The following PLXDC2 variants were observed in gnomAD, a reference collection of about 807,000 sequenced individuals.
PLXDC2 encodes plexin domain containing 2.
In PLXDC2, 40 loss-of-function variants were observed where a neutral mutation model predicts 68.9. That is an observed-to-expected ratio of 0.58 (90% CI 0.45 to 0.76). The LOEUF (loss-of-function observed/expected upper bound fraction) is 0.76. Among genes scored for constraint, PLXDC2 ranks in the 30% least tolerant of loss-of-function variants. The pLI is 0.00. For missense variants in PLXDC2, 644 were observed against 661.9 expected (o/e 0.97, Z 0.30); for synonymous variants, 243 against 234.2 (o/e 1.04, Z -0.34).
intron 12 of PLXDC2, among the ~76,000 whole-genome samples, chr10:20,234,663 C>CTTTTTTTTTTTTTTTTTTTTTCTT (rs58791520): frequency 8.0e-6 from 1 of 125,422 alleles, no homozygotes; most frequent in African/African-American, 3.0e-5. Context: ...GGGTTTCTTT[C>CTTTTTTTTTTTTTTTTTTTTTCTT]TTTTTTTTTT....
chr10:20,210,488 A>G (rs1835054681), intron 9 of PLXDC2, among the ~76,000 whole-genome samples: 1 of 152,186 alleles, frequency 6.6e-6, no homozygotes, highest in South Asian at 2.1e-4. Flanking sequence ...AAGAGTACGT[A>G]GGGAAGACAG....
intron 1 of PLXDC2, among the ~76,000 whole-genome samples, chr10:19,961,523 G>T (rs1589557729): frequency 6.6e-6 from 1 of 152,234 alleles, no homozygotes; most frequent in Non-Finnish European, 1.5e-5. Flanking sequence ...GGAGGGTTCA[G>T]CAGGAATCGT....
intron 3 of PLXDC2, among the ~76,000 whole-genome samples, chr10:20,053,448 G>A (rs897332968): frequency 6.6e-6 from 1 of 152,072 alleles, no homozygotes; most frequent in Non-Finnish European, 1.5e-5. Context: ...ACAGTTATCT[G>A]GGTATTTTGT....
chr10:20,183,440 CCT>C (rs985963765), intron 9 of PLXDC2, among the ~76,000 whole-genome samples: 3 of 151,772 alleles, frequency 2.0e-5, no homozygotes, highest in African/African-American at 7.3e-5. Context: ...ACATAGAAAA[CCT>C]CTGAAAAGAT....
intron 7 of PLXDC2, 33 bp from the exon 8 acceptor site, chr10:20,176,966 T>C (rs910294287): frequency 2.0e-6 from 3 of 1,478,024 alleles, no homozygotes; most frequent in Middle Eastern, 3.5e-4. Context: ...CGAGGAAAGG[T>C]TAAAAATTGA....
chr10:20,004,761 C>G (rs1428710534), intron 2 of PLXDC2, among the ~76,000 whole-genome samples: 1 of 152,128 alleles, frequency 6.6e-6, no homozygotes, highest in Non-Finnish European at 1.5e-5. Context: ...TATATTAACA[C>G]TCCTGAAAAT....
chr10:20,149,229 C>CTTTTTTTTTTTTTTTTTTTTTTTTT lies in PLXDC2; in HGVS notation c.783+1329_783+1353dup, dbSNP rs71200986. 2.3e-4 allele frequency among the ~76,000 whole-genome samples: 8 copies of CTTTTTTTTTTTTTTTTTTTTTTTTT among 34,934 alleles called. 2 individuals carry two copies. Among genetic ancestry groups the CTTTTTTTTTTTTTTTTTTTTTTTTT allele is most frequent in the Non-Finnish European group, 3.8e-4 (8 of 20,960 alleles). 22.9% of individuals were successfully genotyped at this position (34,934 alleles called of 152,430 possible). ...ATTTTTCTTTCTTTTTTTTTCTTTTCTTTTTTTTTTTTTTTTTTTTTTTTT... is the reference window on the plus strand; with the variant it reads ...ATTTTTCTTTCTTTTTTTTTCTTTTCTTTTTTTTTTTTTTTTTTTTTTTTTTTTTTTTTTTTTTTTTTTTTTTTTT... On this transcript the variant is annotated intron_variant, in intron 6 of 13. Transcript: ENST00000377252.
intron 1 of PLXDC2, among the ~76,000 whole-genome samples, chr10:19,926,019 G>A (rs892207878): frequency 2.0e-5 from 3 of 152,166 alleles, no homozygotes; most frequent in African/African-American, 7.2e-5. Flanking sequence ...CAGCAACCTC[G>A]GGGAGCTGAA....
intron 13 of PLXDC2, among the ~76,000 whole-genome samples, chr10:20,271,546 A>G (rs1835940958): frequency 6.6e-6 from 1 of 152,208 alleles, no homozygotes; most frequent in South Asian, 2.1e-4. Context: ...GAACCTGAAC[A>G]TGTGACTTTT....
chr10:19,918,733 G>A (rs1047550077), intron 1 of PLXDC2, among the ~76,000 whole-genome samples: 10 of 152,126 alleles, frequency 6.6e-5, no homozygotes, highest in Admixed American at 3.9e-4. Context: ...GACTCTTGAC[G>A]AACATAAGTA....
chr10:19,981,816 C>T (rs1834555640), intron 1 of PLXDC2, among the ~76,000 whole-genome samples: 1 of 152,212 alleles, frequency 6.6e-6, no homozygotes, highest in African/African-American at 2.4e-5. Flanking sequence ...ATTAGTATGG[C>T]ACTGATCGTA....
chr10:20,200,837 C>A (rs1834907311), intron 9 of PLXDC2, among the ~76,000 whole-genome samples: 1 of 152,028 alleles, frequency 6.6e-6, no homozygotes, highest in South Asian at 2.1e-4. Context: ...TATCATCTCA[C>A]CCCAGTTAGA....
At chr10:19,997,474 A>G (rs1490285231) in intron 1 of PLXDC2, among the ~76,000 whole-genome samples, 1 of 152,228 alleles carries the variant, frequency 6.6e-6, no homozygotes, top group Non-Finnish European at 1.5e-5. Flanking sequence ...ATGGATCCTA[A>G]TTACATAAGA....
At chr10:20,005,035 C>T (rs974373273) in intron 2 of PLXDC2, among the ~76,000 whole-genome samples, 4 of 152,056 alleles carry the variant, frequency 2.6e-5, no homozygotes, top group African/African-American at 7.2e-5. Context: ...TTTTTTTACA[C>T]GAGGGCAATT....
intron 1 of PLXDC2, among the ~76,000 whole-genome samples, chr10:19,850,343 A>C (rs1176785069): frequency 1.3e-5 from 2 of 151,758 alleles, no homozygotes; most frequent in East Asian, 3.9e-4. Context: ...TATTTTCCCC[A>C]GCAGTAATTT....
chr10:19,921,129 G>A (rs77499377), intron 1 of PLXDC2, among the ~76,000 whole-genome samples: 2 of 78,020 alleles, frequency 2.6e-5, no homozygotes, highest in Non-Finnish European at 5.4e-5. Context: ...TTTTTTTTTT[G>A]TCGCCCAGGG....
chr10:20,205,939 G>A (rs1262276211), intron 9 of PLXDC2, among the ~76,000 whole-genome samples: 1 of 151,422 alleles, frequency 6.6e-6, no homozygotes, highest in Non-Finnish European at 1.5e-5. Flanking sequence ...TATTTTTGCT[G>A]TACCTATCTA....
chr10:20,054,299 C>T (rs113656206), intron 3 of PLXDC2, among the ~76,000 whole-genome samples: 4 of 152,082 alleles, frequency 2.6e-5, no homozygotes, highest in African/African-American at 7.2e-5. Flanking sequence ...TGGGGAGTCT[C>T]GCTAAACTGA....
chr10:20,187,656 A>C (rs552530934), intron 9 of PLXDC2, among the ~76,000 whole-genome samples: 311 of 152,022 alleles, frequency 2.0e-3, no homozygotes, highest in Non-Finnish European at 2.8e-3. Flanking sequence ...ATAGAAAATA[A>C]ATGCTTTAGC....
Sources: allele counts gnomAD v4.1 joint callset (sites outside exome capture counted in the v4.1 genomes callset), GRCh38; gene constraint gnomAD v4.1.1; transcripts MANE v1.5; gene names NCBI Gene and HGNC (gene_info 2026-07-23, HGNC 2026-07-21).